Variants in NTNG1 observed in about 807,000 individuals in gnomAD.
NTNG1 encodes the protein netrin-G1.
A neutral mutation model predicts 54.0 loss-of-function variants in NTNG1; 16 were observed. The ratio of observed to expected loss-of-function variants is 0.30; its 90% CI spans 0.20 to 0.45. NTNG1 has a LOEUF of 0.45. Among genes scored for constraint, NTNG1 ranks in the 20% least tolerant of loss-of-function variants. The pLI, the probability that NTNG1 is intolerant of heterozygous loss-of-function variation, is 1.00. For missense variants in NTNG1, 530 were observed against 678.7 expected (o/e 0.78, Z 2.43); for synonymous variants, 255 against 263.1 (o/e 0.97, Z 0.30).
At chr1:107,257,765 C>T (rs1180742676) in intron 2 of NTNG1, among the ~76,000 whole-genome samples, 1 of 152,174 alleles carries the variant, frequency 6.6e-6, no homozygotes, top group Non-Finnish European at 1.5e-5. Context: ...AGCAAATGTC[C>T]TGCAGAGGCA....
chr1:107,352,340 T>C (rs367969713), intron 3 of NTNG1, among the ~76,000 whole-genome samples: 3 of 151,838 alleles, frequency 2.0e-5, no homozygotes, highest in African/African-American at 7.3e-5. Flanking sequence ...ACATTCAGGC[T>C]TTTCCATATA....
At chr1:107,387,443 T>A (rs934984792) in intron 3 of NTNG1, among the ~76,000 whole-genome samples, 3 of 152,232 alleles carry the variant, frequency 2.0e-5, no homozygotes, top group African/African-American at 7.2e-5. Flanking sequence ...CTAAGTCATG[T>A]GAAATCTTGT....
chr1:107,161,136 T>C (rs1557770716), intron 2 of NTNG1, among the ~76,000 whole-genome samples: 1 of 152,136 alleles, frequency 6.6e-6, no homozygotes, highest in Non-Finnish European at 1.5e-5. Context: ...GTAGTGCCCA[T>C]AGTAGAGCCC....
chr1:107,214,003 C>T (rs1403166733), intron 2 of NTNG1, among the ~76,000 whole-genome samples: 1 of 151,884 alleles, frequency 6.6e-6, no homozygotes, highest in South Asian at 2.1e-4. Flanking sequence ...AATATCTTCT[C>T]CTAATTTTTA....
chr1:107,193,513 T>C (rs1391169821), intron 2 of NTNG1, among the ~76,000 whole-genome samples: 2 of 151,968 alleles, frequency 1.3e-5, no homozygotes, highest in African/African-American at 4.8e-5. Flanking sequence ...GCCAGAGTAG[T>C]GTCTAATATT....
chr1:107,474,372 C>G (rs189139236), intron 7 of NTNG1, among the ~76,000 whole-genome samples: 3 of 152,294 alleles, frequency 2.0e-5, no homozygotes, highest in African/African-American at 7.2e-5. Context: ...TAGAAATTTT[C>G]ACTTGGATCT....
At chr1:107,476,032 G>A (rs1678299448) in intron 7 of NTNG1, among the ~76,000 whole-genome samples, 1 of 152,136 alleles carries the variant, frequency 6.6e-6, no homozygotes, top group Non-Finnish European at 1.5e-5. Context: ...AACCCCTTAT[G>A]ACAGAGTCAA....
chr1:107,451,598 T>G (rs894259907), intron 7 of NTNG1, among the ~76,000 whole-genome samples: 5 of 152,140 alleles, frequency 3.3e-5, no homozygotes, highest in Non-Finnish European at 5.9e-5. Context: ...AGTGTATTAT[T>G]TTATGTTTTG....
chr1:107,250,955 A>G (rs1662565967), intron 2 of NTNG1, among the ~76,000 whole-genome samples: 2 of 152,260 alleles, frequency 1.3e-5, no homozygotes, highest in Admixed American at 1.3e-4. Flanking sequence ...TTTTATTAAT[A>G]AAATTTATTT....
chr1:107,151,420 C>T (rs914601820), intron 2 of NTNG1, among the ~76,000 whole-genome samples: 6 of 152,176 alleles, frequency 3.9e-5, no homozygotes, highest in Non-Finnish European at 7.3e-5. Flanking sequence ...GCGTTCTCCC[C>T]TCCTTGACGC....
intron 2 of NTNG1, among the ~76,000 whole-genome samples, chr1:107,171,325 T>A (rs1464214301): frequency 6.6e-6 from 1 of 152,144 alleles, no homozygotes. Flanking sequence ...ATGATAACCC[T>A]TGCTCATTTT....
At chr1:107,193,171 C>T (rs541114066) in intron 2 of NTNG1, among the ~76,000 whole-genome samples, 3 of 152,134 alleles carry the variant, frequency 2.0e-5, no homozygotes, top group South Asian at 4.1e-4. Context: ...AGGTATTCTT[C>T]TTACCTCTTT....
intron 3 of NTNG1, among the ~76,000 whole-genome samples, chr1:107,335,074 C>T (rs912622674): frequency 6.6e-6 from 1 of 151,910 alleles, no homozygotes; most frequent in Admixed American, 6.6e-5. Context: ...AAGCTATGTA[C>T]TTGGGTTAAA....
At chr1:107,469,029 G>A (rs749658767) in intron 7 of NTNG1, among the ~76,000 whole-genome samples, 18 of 150,886 alleles carry the variant, frequency 1.2e-4, no homozygotes, top group African/African-American at 2.9e-4. Flanking sequence ...CCCGGGAGGC[G>A]GAGGTTGCAG....
At chr1:107,314,444 TA>T (rs869200363) in intron 2 of NTNG1, among the ~76,000 whole-genome samples, 3 of 116,424 alleles carry the variant, frequency 2.6e-5, no homozygotes, top group African/African-American at 1.1e-4. Context: ...AATAAATAAA[TA>T]AAAATGAGAT....
chr1:107,276,113 C>T (rs765798901), intron 2 of NTNG1, among the ~76,000 whole-genome samples: 5 of 152,154 alleles, frequency 3.3e-5, no homozygotes, highest in Non-Finnish European at 5.9e-5. Flanking sequence ...ATATTTGATG[C>T]TTCCTATGTA....
intron 1 of NTNG1, among the ~76,000 whole-genome samples, chr1:107,145,915 C>T (rs1356915017): frequency 1.3e-5 from 2 of 152,128 alleles, no homozygotes; most frequent in East Asian, 3.9e-4. Flanking sequence ...CAGGAGATAG[C>T]AAAGGGTTCA....
intron 7 of NTNG1, among the ~76,000 whole-genome samples, chr1:107,447,345 A>C (rs1676367165): frequency 6.6e-6 from 1 of 152,100 alleles, no homozygotes; most frequent in Non-Finnish European, 1.5e-5. Context: ...GCTTGTTATC[A>C]GGATAACTTG....
intron 3 of NTNG1, among the ~76,000 whole-genome samples, chr1:107,382,371 C>T (rs1257747766): frequency 6.6e-6 from 1 of 152,080 alleles, no homozygotes; most frequent in Non-Finnish European, 1.5e-5. Flanking sequence ...GTCTCTTGAT[C>T]GTATATCATT....
Sources: gnomAD v4.1 joint callset for allele counts (sites outside exome capture counted in the v4.1 genomes callset) on GRCh38, gnomAD v4.1.1 for gene constraint, MANE v1.5 for transcripts, NCBI Gene and HGNC (gene_info 2026-07-23, HGNC 2026-07-21) for gene names.